Variants in ACSM4 observed in about 807,000 individuals in gnomAD.
The protein encoded by ACSM4 is acyl-coenzyme A synthetase ACSM4, mitochondrial.
In ACSM4, 66 loss-of-function variants were observed where a neutral mutation model predicts 73.0. The observed-to-expected ratio is 0.90, with a 90% CI of 0.74 to 1.11. The LOEUF is 1.11. Among genes scored for constraint, ACSM4 ranks in the 50% least tolerant of loss-of-function variants. The pLI, the probability that ACSM4 is intolerant of heterozygous loss-of-function variation, is 0.00. For missense variants in ACSM4, 645 were observed against 714.4 expected (o/e 0.90, Z 1.11); for synonymous variants, 222 against 254.0 (o/e 0.87, Z 1.20).
chr12:7,314,637 T>G (rs765684111), intron 3 of ACSM4, among the ~76,000 whole-genome samples: 3 of 152,212 alleles, frequency 2.0e-5, no homozygotes, highest in African/African-American at 7.2e-5. Context: ...GACAGATAGA[T>G]AGATGATAGA....
At chr12:7,305,276 A>G (rs1365701585) in intron 1 of ACSM4, among the ~76,000 whole-genome samples, 1 of 152,238 alleles carries the variant, frequency 6.6e-6, no homozygotes, top group Non-Finnish European at 1.5e-5. Flanking sequence ...TGTTTTCAGC[A>G]TATTTATTTT....
chr12:7,320,857 A>T, intron 6 of ACSM4, 53 bp downstream of exon 6: 1 of 1,434,660 alleles, frequency 7.0e-7, no homozygotes, highest in Non-Finnish European at 9.8e-7. Context: ...ACCATCCAGG[A>T]TCACAGATCT....
At chr12:7,309,592 G>A (rs747574760) in intron 2 of ACSM4, among the ~76,000 whole-genome samples, 8 of 151,970 alleles carry the variant, frequency 5.3e-5, no homozygotes, top group East Asian at 1.9e-4. Context: ...AAACAGGGAC[G>A]GAATCTCACT....
rs772748521 is a variant in ACSM4 at position 7,326,976 on chromosome 12, G to A, written c.1537G>A (p.Val513Met). Residue 513 changes from valine (V) to methionine (M), a missense_variant and splice_region_variant, in exon 12 of 13, where the codon GTG becomes ATG. Val to Met is a conservative substitution (Grantham distance 21). Coordinates refer to ENST00000399422, the MANE Select transcript of ACSM4 (RefSeq NM_001080454.2). ...VSSPDQIRGE[V>M]VKAFVVLAAP... ...AGATAAATTAACTTTTCTGTTGCAGGTGGTGAAAGCTTTTGTTGTCTTAGC... is the reference window on the plus strand; with the variant it reads ...AGATAAATTAACTTTTCTGTTGCAGATGGTGAAAGCTTTTGTTGTCTTAGC... The A allele has an allele frequency of 1.3e-6, 2 of 1,596,002 alleles. No homozygotes were observed. Among genetic ancestry groups the A allele is most frequent in the Non-Finnish European group, 1.7e-6 (2 of 1,174,314 alleles).
intron 3 of ACSM4, among the ~76,000 whole-genome samples, chr12:7,314,090 C>T (rs958666448): frequency 1.3e-5 from 2 of 151,844 alleles, no homozygotes; most frequent in Admixed American, 6.6e-5. Flanking sequence ...ATGAATAGGA[C>T]GGAGGAAAGA....
At chr12:7,314,666 CT>C (rs1470319957) in intron 3 of ACSM4, among the ~76,000 whole-genome samples, 2 of 152,068 alleles carry the variant, frequency 1.3e-5, no homozygotes, top group African/African-American at 4.8e-5. Context: ...TAGATGCCTT[CT>C]ATCAAAAGGT....
At chr12:7,320,673 C>A in intron 5 of ACSM4, 52 bp from the exon 6 acceptor site, 1 of 1,472,382 alleles carries the variant, frequency 6.8e-7, no homozygotes, top group African/African-American at 1.4e-5. Flanking sequence ...CAGCTCTAGT[C>A]ATGGCCTTTG....
chr12:7,306,310 A>G (rs1340191346), intron 1 of ACSM4, among the ~76,000 whole-genome samples: 2 of 152,220 alleles, frequency 1.3e-5, no homozygotes, highest in Non-Finnish European at 2.9e-5. Context: ...AACTTTGGTC[A>G]AATGCCCACC....
chr12:7,313,336 C>A (rs1946401364), intron 3 of ACSM4, among the ~76,000 whole-genome samples: 1 of 152,184 alleles, frequency 6.6e-6, no homozygotes, highest in Non-Finnish European at 1.5e-5. Flanking sequence ...AAACAAATGA[C>A]TTTGGAGTGT....
intron 1 of ACSM4, 41 bp downstream of exon 1, chr12:7,304,573 T>A: frequency 6.4e-7 from 1 of 1,569,446 alleles, no homozygotes; most frequent in Non-Finnish European, 8.8e-7. Flanking sequence ...TGGTGTCCCC[T>A]TATCTCTCAG....
Position 7,322,425 on chromosome 12 carries a change from T to G in ACSM4, c.1009T>G (p.Phe337Val). The G allele has an allele frequency of 6.2e-7, 1 of 1,613,746 alleles. No individual in the cohort carries two copies. The highest frequency in any genetic ancestry group is 8.5e-7 in the Non-Finnish European group (1 of 1,179,812). The change falls in exon 7 of 13, where the codon TTC becomes GTC. Residue 337 changes from phenylalanine (F) to valine (V), a missense_variant. Transcript: ENST00000399422. Reference protein sequence around the residue: ...LVQKDLKRYKFKSLRHCLTGG... With the variant: ...LVQKDLKRYKVKSLRHCLTGG... The stretch of plus-strand genomic sequence containing the variant: ...GCAACTCTGTCTCTCCAGATATAAA[T>G]TCAAGAGTCTGCGGCACTGCTTGAC...
At chr12:7,306,844 A>AT in intron 2 of ACSM4, 101 bp downstream of exon 2, 4 of 886,244 alleles carry the variant, frequency 4.5e-6, no homozygotes, top group Non-Finnish European at 6.3e-6. Flanking sequence ...TGCATACAGA[A>AT]GACAAAAAAA....
At chr12:7,324,757 G>A (rs150165463) in intron 11 of ACSM4, among the ~76,000 whole-genome samples, 159 bp downstream of exon 11, 2 of 151,848 alleles carry the variant, frequency 1.3e-5, no homozygotes, top group African/African-American at 4.8e-5. Flanking sequence ...TTTACAATAA[G>A]TTGTGTCCCA....
chr12:7,326,223 G>GTCTCC (rs1946504243), intron 11 of ACSM4, among the ~76,000 whole-genome samples: 1 of 152,092 alleles, frequency 6.6e-6, no homozygotes, highest in Non-Finnish European at 1.5e-5. Context: ...GTTTTTTTGA[G>GTCTCC]ATGGAGACTT....
chr12:7,326,663 A>T (rs1272159319), intron 11 of ACSM4, among the ~76,000 whole-genome samples: 1 of 152,198 alleles, frequency 6.6e-6, no homozygotes, highest in African/African-American at 2.4e-5. Context: ...GGTCATCCAT[A>T]AACCAAGGAC....
chr12:7,322,611 C>G, intron 7 of ACSM4, 70 bp downstream of exon 7: 3 of 1,519,050 alleles, frequency 2.0e-6, no homozygotes, highest in Non-Finnish European at 1.8e-6. Flanking sequence ...CAACTGAGCC[C>G]CTGAAGTGCC....
chr12:7,308,876 T>C (rs1946374865), intron 2 of ACSM4, among the ~76,000 whole-genome samples: 1 of 152,240 alleles, frequency 6.6e-6, no homozygotes, highest in East Asian at 1.9e-4. Flanking sequence ...GTTTGGCTTA[T>C]AGCACAGGTC....
chr12:7,310,184 C>T (rs199843694), intron 2 of ACSM4, among the ~76,000 whole-genome samples: 29 of 152,288 alleles, frequency 1.9e-4, no homozygotes, highest in Middle Eastern at 3.4e-3. Context: ...ATGATTCAAA[C>T]GTGACATTAA....
At chr12:7,305,938 G>T (rs189582155) in intron 1 of ACSM4, among the ~76,000 whole-genome samples, 7 of 152,308 alleles carry the variant, frequency 4.6e-5, no homozygotes, top group African/African-American at 1.7e-4. Flanking sequence ...GTTACCTCTA[G>T]AAGTCAATAA....
Sources: allele counts gnomAD v4.1 joint callset (sites outside exome capture counted in the v4.1 genomes callset), GRCh38; gene constraint gnomAD v4.1.1; transcripts MANE v1.5; gene names NCBI Gene and HGNC (gene_info 2026-07-23, HGNC 2026-07-21).